The following TUSC3 variants were observed in gnomAD, a reference collection of about 807,000 sequenced individuals.
The protein encoded by TUSC3 is tumor suppressor candidate 3.
In TUSC3, 45 loss-of-function variants were observed where a neutral mutation model predicts 44.8. That is an observed-to-expected ratio of 1.00 (90% CI 0.79 to 1.29). The LOEUF (loss-of-function observed/expected upper bound fraction) is 1.29. Among genes scored for constraint, TUSC3 ranks in the 50% most tolerant of loss-of-function variants. TUSC3 has a pLI of 0.00. For missense variants in TUSC3, 519 were observed against 437.9 expected (o/e 1.19, Z -1.65); for synonymous variants, 212 against 152.9 (o/e 1.39, Z -2.85).
chr8:15,836,661 T>C, the TUSC3 span, among the ~76,000 whole-genome samples: 1 of 152,130 alleles, frequency 6.6e-6, no homozygotes. Context: ...TATTATATAT[T>C]AATCTATCTA....
chr8:15,607,317 G>C (rs1256211958), intron 1 of TUSC3, among the ~76,000 whole-genome samples: 1 of 152,054 alleles, frequency 6.6e-6, no homozygotes, highest in Non-Finnish European at 1.5e-5. Context: ...GACAGTTCTA[G>C]GCTCTCAAGA....
intron 2 of TUSC3, among the ~76,000 whole-genome samples, chr8:15,520,848 C>G (rs1412644346): frequency 6.6e-6 from 1 of 152,180 alleles, no homozygotes; most frequent in Non-Finnish European, 1.5e-5. Context: ...AATTGAAGTT[C>G]CTGTCCTTAT....
At chr8:15,641,011 T>C (rs1046431253) in intron 2 of TUSC3, among the ~76,000 whole-genome samples, 3 of 152,116 alleles carry the variant, frequency 2.0e-5, no homozygotes, top group Non-Finnish European at 4.4e-5. Context: ...CTCTTTGCCA[T>C]GTATACTGAG....
intron 2 of TUSC3, among the ~76,000 whole-genome samples, chr8:15,649,458 C>G (rs187242184): frequency 9.3e-4 from 142 of 152,128 alleles, no homozygotes; most frequent in African/African-American, 3.3e-3. Flanking sequence ...GTGGCGGGCG[C>G]CTGTAGTCCC....
the TUSC3 span, among the ~76,000 whole-genome samples, chr8:15,812,460 C>T: frequency 6.6e-6 from 1 of 152,130 alleles, no homozygotes; most frequent in Admixed American, 6.5e-5. Flanking sequence ...TAGTCTCAGA[C>T]ATAGCAATAG....
intron 5 of TUSC3, among the ~76,000 whole-genome samples, chr8:15,664,547 T>C (rs1357803382): frequency 8.0e-5 from 12 of 149,374 alleles, no homozygotes; most frequent in Non-Finnish European, 1.5e-4. Flanking sequence ...AATTCTAAGA[T>C]ACCTTGGCAG....
chr8:15,417,333 T>G (rs778645441), intron 1 of TUSC3: 3 of 152,314 alleles, frequency 2.0e-5, no homozygotes, highest in Non-Finnish European at 4.4e-5. Flanking sequence ...CTTTTCTTTA[T>G]AAATTACACA....
chr8:15,590,616 A>C (rs1351745956), intron 1 of TUSC3, among the ~76,000 whole-genome samples: 1 of 151,762 alleles, frequency 6.6e-6, no homozygotes, highest in Non-Finnish European at 1.5e-5. Context: ...GGATTCTTCA[A>C]AGTATTTATA....
At chr8:15,693,191 G>C (rs1213351281) in intron 6 of TUSC3, among the ~76,000 whole-genome samples, 1 of 152,176 alleles carries the variant, frequency 6.6e-6, no homozygotes, top group Non-Finnish European at 1.5e-5. Flanking sequence ...ATTTGATCCT[G>C]TCATCCTACT....
intron 1 of TUSC3, among the ~76,000 whole-genome samples, chr8:15,589,050 C>G (rs1475657282): frequency 6.6e-6 from 1 of 152,030 alleles, no homozygotes; most frequent in Non-Finnish European, 1.5e-5. Flanking sequence ...TGCAGTTTAT[C>G]ATTATGCAAC....
chr8:15,584,529 C>T (rs185024795), intron 1 of TUSC3, among the ~76,000 whole-genome samples: 3 of 152,176 alleles, frequency 2.0e-5, no homozygotes, highest in Admixed American at 1.3e-4. Flanking sequence ...CTAACAAGAG[C>T]AATATAAGTG....
intron 1 of TUSC3, among the ~76,000 whole-genome samples, chr8:15,432,790 G>A (rs1189623974): frequency 6.6e-5 from 10 of 152,060 alleles, no homozygotes; most frequent in African/African-American, 2.4e-4. Flanking sequence ...GCTAGAGCGG[G>A]TTAAAGTTCT....
chr8:15,547,518 A>G (rs554034739), intron 1 of TUSC3, among the ~76,000 whole-genome samples: 105 of 151,860 alleles, frequency 6.9e-4, no homozygotes, highest in African/African-American at 2.5e-3. Context: ...TAAGGCTTAA[A>G]TTATATCAGG....
At chr8:15,488,609 C>G (rs573378737) in intron 2 of TUSC3, among the ~76,000 whole-genome samples, 1 of 152,126 alleles carries the variant, frequency 6.6e-6, no homozygotes, top group East Asian at 1.9e-4. Flanking sequence ...GGAGGTAGGT[C>G]CTTTGGGAGC....
At chr8:15,605,519 T>C (rs1204266514) in intron 1 of TUSC3, among the ~76,000 whole-genome samples, 1 of 151,932 alleles carries the variant, frequency 6.6e-6, no homozygotes, top group Non-Finnish European at 1.5e-5. Flanking sequence ...TATACATAGA[T>C]TTTTTTCAAA....
chr8:15,707,156 T>A (rs1585251911), intron 6 of TUSC3, among the ~76,000 whole-genome samples: 2 of 151,986 alleles, frequency 1.3e-5, no homozygotes, highest in South Asian at 4.3e-4. Flanking sequence ...ATTTGAGAGT[T>A]AGTCACTTTC....
intron 2 of TUSC3, among the ~76,000 whole-genome samples, chr8:15,518,886 C>G (rs1801256461): frequency 3.3e-5 from 5 of 152,156 alleles, no homozygotes; most frequent in Admixed American, 3.3e-4. Context: ...TGGAATCAAT[C>G]TAAATTATAC....
At chr8:15,821,983 T>C in the TUSC3 span, among the ~76,000 whole-genome samples, 3 of 152,130 alleles carry the variant, frequency 2.0e-5, no homozygotes, top group African/African-American at 7.2e-5. Flanking sequence ...TAAAAGATGA[T>C]GATGATTTGA....
At position 15,657,314 on chromosome 8, in the gene TUSC3, A is replaced by G. The variant is rs1807218309; in HGVS notation, c.427-2193A>G. Among the ~76,000 whole-genome samples the G allele has an allele frequency of 5.3e-5, 8 of 152,176 alleles. No individual in the cohort carries two copies. In the South Asian group the frequency reaches 1.7e-3, roughly 32 times the overall value. On this transcript the variant is annotated intron_variant, in intron 3 of 10. Transcript: ENST00000503731. ...TTTTGTCTTCTATTTTATTATATGC[A>G]TTTAAAGTAAGCCATACTGCATCCA... is the stretch of plus-strand genomic sequence containing the variant.
Sources: allele counts gnomAD v4.1 joint callset (sites outside exome capture counted in the v4.1 genomes callset), GRCh38; gene constraint gnomAD v4.1.1; transcripts MANE v1.5; gene names NCBI Gene and HGNC (gene_info 2026-07-23, HGNC 2026-07-21).